Variants in MOGAT1 observed in about 807,000 individuals in gnomAD.
MOGAT1 encodes the protein monoacylglycerol O-acyltransferase 1.
A neutral mutation model predicts 31.4 loss-of-function variants in MOGAT1; 32 were observed. That is an observed-to-expected ratio of 1.02 (90% CI 0.77 to 1.37). The LOEUF (loss-of-function observed/expected upper bound fraction) is 1.37. MOGAT1 is among the 40% of genes most tolerant of loss of function. The pLI is 0.00. For synonymous variants in MOGAT1, 145 were observed against 144.5 expected (o/e 1.00, Z -0.03); for missense variants, 426 against 402.0 (o/e 1.06, Z -0.51).
chr2:222,687,745 A>G (rs1692695120), intron 1 of MOGAT1, among the ~76,000 whole-genome samples: 1 of 152,192 alleles, frequency 6.6e-6, no homozygotes, highest in Admixed American at 6.5e-5. Flanking sequence ...GAGTTCCTGA[A>G]AATGAAGTTT....
rs566488551 is a variant in MOGAT1, at chr2:222,672,269, A to T, written c.94+390A>T. On this transcript the variant is annotated intron_variant, in intron 1 of 5. Transcript: ENST00000446656. Reference sequence around the variant, plus strand: ...CGTTTCTCGAACTGTTGATTCATAGATGGCAAAGTAATGCCTCAGTAGTTA... The same window carrying T: ...CGTTTCTCGAACTGTTGATTCATAGTTGGCAAAGTAATGCCTCAGTAGTTA... Among the ~76,000 whole-genome samples, 3 of 152,302 alleles carry T rather than the reference A, an allele frequency of 2.0e-5. No individual in the cohort carries two copies. In the South Asian group the frequency reaches 6.2e-4, roughly 32 times the overall value.
chr2:222,695,004 A>C (rs1692819488), intron 4 of MOGAT1, 85 bp from the exon 5 acceptor site: 1 of 1,080,584 alleles, frequency 9.3e-7, no homozygotes, highest in Admixed American at 3.3e-5. Flanking sequence ...ATTTTTCAGA[A>C]GTTGTTGCAA....
chr2:222,675,433 C>A (rs1204239089), intron 1 of MOGAT1, among the ~76,000 whole-genome samples: 1 of 151,962 alleles, frequency 6.6e-6, no homozygotes, highest in Non-Finnish European at 1.5e-5. Flanking sequence ...TGATGCTTGC[C>A]CGAATTACCT....
intron 1 of MOGAT1, among the ~76,000 whole-genome samples, chr2:222,678,659 G>A (rs1428723306): frequency 6.6e-6 from 1 of 152,054 alleles, no homozygotes; most frequent in East Asian, 1.9e-4. Context: ...TGCTTAATCT[G>A]GCTGGGTGTG....
chr2:222,703,705 A>G (rs773232824), intron 5 of MOGAT1, among the ~76,000 whole-genome samples: 2 of 152,174 alleles, frequency 1.3e-5, no homozygotes, highest in African/African-American at 4.8e-5. Context: ...TGTCGGCCAC[A>G]CAGCCCCTGC....
intron 1 of MOGAT1, 65 bp from the exon 2 acceptor site, chr2:222,688,279 C>T: frequency 1.5e-6 from 2 of 1,314,556 alleles, no homozygotes; most frequent in Non-Finnish European, 2.1e-6. Context: ...ATCCCCCTGC[C>T]ATGGGCCACT....
At chr2:222,690,389 G>A (rs1312569365) in intron 3 of MOGAT1, among the ~76,000 whole-genome samples, 1 of 151,876 alleles carries the variant, frequency 6.6e-6, no homozygotes, top group Non-Finnish European at 1.5e-5. Context: ...GTGAAACCCC[G>A]TCTCTACTAA....
At chr2:222,672,124 C>T (rs1300172224) in intron 1 of MOGAT1, among the ~76,000 whole-genome samples, 2 of 152,178 alleles carry the variant, frequency 1.3e-5, no homozygotes, top group African/African-American at 4.8e-5. Flanking sequence ...ACCTTGCCTA[C>T]AATAAAAGGC....
intron 5 of MOGAT1, among the ~76,000 whole-genome samples, chr2:222,697,549 C>CTG (rs1692853902): frequency 6.7e-6 from 1 of 148,360 alleles, no homozygotes; most frequent in African/African-American, 2.5e-5. Context: ...GGAGAAATTC[C>CTG]TGTGGAAGGG....
At chr2:222,689,190 A>G (rs1391834628) in intron 2 of MOGAT1, 75 bp from the exon 3 acceptor site, 1 of 1,264,884 alleles carries the variant, frequency 7.9e-7, no homozygotes, top group Non-Finnish European at 1.1e-6. Context: ...CATAAAAACT[A>G]GTCCTTTTGT....
chr2:222,671,971 C>G, intron 1 of MOGAT1, 92 bp downstream of exon 1: 1 of 1,021,750 alleles, frequency 9.8e-7, no homozygotes. Flanking sequence ...AACCTTCCAA[C>G]CCTCGTTCCC....
At chr2:222,684,576 A>G (rs1294321927) in intron 1 of MOGAT1, among the ~76,000 whole-genome samples, 2 of 151,998 alleles carry the variant, frequency 1.3e-5, no homozygotes, top group African/African-American at 4.8e-5. Flanking sequence ...GCCATCCAGT[A>G]TCTTACTTCT....
At chr2:222,689,862 A>T (rs1412015646) in intron 3 of MOGAT1, among the ~76,000 whole-genome samples, 1 of 152,272 alleles carries the variant, frequency 6.6e-6, no homozygotes, top group Non-Finnish European at 1.5e-5. Flanking sequence ...AATACTAGAA[A>T]TGGAAAATGT....
At position 222,689,283 on chromosome 2, in the gene MOGAT1, T is replaced by C. The variant is rs774805174; in HGVS notation, c.292T>C (p.Leu98=). 9.3e-6 allele frequency: 15 copies of C among 1,613,596 alleles called. No individual in the cohort carries two copies. The highest frequency in any genetic ancestry group is 1.3e-5 in the Non-Finnish European group (15 of 1,179,634). Residue 98 remains leucine (L), a synonymous_variant, in exon 3 of 6, where the codon TTG becomes CTG. Coordinates refer to ENST00000446656, the MANE Select transcript of MOGAT1 (RefSeq NM_058165.3). ...GCTGTAGCTTATCAAAACTCAAGAT[T>C]TGGATCCAAGTCACAACTATATATT... ...FPIHLIKTQD[L]DPSHNYIFGF... is the part of the protein sequence containing the mutation.
At chr2:222,685,233 G>A (rs1692646173) in intron 1 of MOGAT1, among the ~76,000 whole-genome samples, 1 of 152,188 alleles carries the variant, frequency 6.6e-6, no homozygotes, top group Non-Finnish European at 1.5e-5. Context: ...ACATTTTGCA[G>A]TCTCCAAATG....
chr2:222,679,555 C>T (rs1317796551), intron 1 of MOGAT1, among the ~76,000 whole-genome samples: 1 of 152,198 alleles, frequency 6.6e-6, no homozygotes, highest in African/African-American at 2.4e-5. Flanking sequence ...CATTTCTCTT[C>T]CACAGCCACA....
intron 3 of MOGAT1, among the ~76,000 whole-genome samples, chr2:222,689,891 G>A (rs1158762629): frequency 6.6e-6 from 1 of 152,240 alleles, no homozygotes; most frequent in Non-Finnish European, 1.5e-5. Context: ...GTGTCTTGAA[G>A]TAACAGCAGT....
intron 1 of MOGAT1, among the ~76,000 whole-genome samples, chr2:222,681,373 C>A (rs183359881): frequency 1.3e-5 from 2 of 152,258 alleles, no homozygotes; most frequent in Admixed American, 1.3e-4. Flanking sequence ...GCTCATAGCA[C>A]TCAGGAAAAC....
chr2:222,672,144 C>T (rs550979603), intron 1 of MOGAT1, among the ~76,000 whole-genome samples: 3 of 152,300 alleles, frequency 2.0e-5, no homozygotes, highest in Admixed American at 2.0e-4. Context: ...CGCAGTTATA[C>T]GGATACAGCT....
Sources: allele counts gnomAD v4.1 joint callset (sites outside exome capture counted in the v4.1 genomes callset), GRCh38; gene constraint gnomAD v4.1.1; transcripts MANE v1.5; gene names NCBI Gene and HGNC (gene_info 2026-07-23, HGNC 2026-07-21).